Variants in CASKIN1 observed in about 807,000 individuals in gnomAD.
The protein encoded by CASKIN1 is CASK interacting protein 1, also known as caskin-1.
In CASKIN1, 42 loss-of-function variants were observed where a neutral mutation model predicts 117.5. That is an observed-to-expected ratio of 0.36 (90% CI 0.28 to 0.46). The LOEUF (loss-of-function observed/expected upper bound fraction) is 0.46, where lower values mean the gene tolerates loss of function less well. CASKIN1 is among the 20% of genes least tolerant of loss of function. The pLI is 1.00. For missense variants in CASKIN1, 2,083 were observed against 2,077.3 expected (o/e 1.00, Z -0.05); for synonymous variants, 1,148 against 961.7 (o/e 1.19, Z -3.59).
chr16:2,189,374 C>A (rs1380686099), intron 4 of CASKIN1, 41 bp from the exon 5 acceptor site: 2 of 1,610,194 alleles, frequency 1.2e-6, no homozygotes, highest in African/African-American at 2.7e-5. Context: ...CATCCTCAGG[C>A]CGCGCTGCCC....
chr16:2,192,448 C>G (rs1031254050), intron 1 of CASKIN1, among the ~76,000 whole-genome samples: 1 of 152,100 alleles, frequency 6.6e-6, no homozygotes, highest in African/African-American at 2.4e-5. Context: ...GGACAGTGGC[C>G]GTACGTGGGG....
At position 2,186,776 on chromosome 16, in the gene CASKIN1, T is replaced by G; in HGVS notation, c.979A>C (p.Asn327His). ...CCCACCCGGTCATTGCCCGTCCGGT[T>G]GTCATGGATGCAGCCCTTCCACCGG... The part of the protein sequence containing the change: ...DGRWKGCIHD[N>H]RTGNDRVGYF... Residue 327 changes from asparagine to histidine, a missense_variant, in exon 10 of 20, where the codon AAC (asparagine) becomes CAC (histidine). Around this residue, in one of 3 missense-constraint regions of CASKIN1, gnomAD observed 1,818 missense variants for 1,688.9 expected, o/e 1.08. Transcript: ENST00000343516. The G allele has an allele frequency of 6.2e-7, 1 of 1,613,016 alleles. No homozygotes were observed. The highest frequency in any genetic ancestry group is 8.5e-7 in the Non-Finnish European group (1 of 1,179,962).
In CASKIN1 at chr16:2,196,443, G is replaced by A; in HGVS notation, c.-11C>T. 2 of 1,241,430 alleles carry A rather than the reference G, an allele frequency of 1.6e-6. No homozygotes were observed. Among genetic ancestry groups the A allele is most frequent in the Non-Finnish European group, 2.0e-6 (2 of 978,138 alleles). The allele number at this position is 1,241,430 out of a possible 1,614,324, so 76.9% of individuals were successfully genotyped here. On this transcript the variant is annotated 5_prime_UTR_variant, in exon 1 of 20. Coordinates refer to ENST00000343516, the MANE Select transcript of CASKIN1 (RefSeq NM_020764.4). The surrounding 1 kb of genome is among the most constrained non-coding windows in gnomAD (Gnocchi z 5.7). ...CTGCTCCTTCCCCATGGCGCGGCCG[G>A]GGCCGCAGCGACGCGGCTGCGCTCG...
intron 6 of CASKIN1, 130 bp from the exon 7 acceptor site, chr16:2,187,591 C>G (rs1246080141): frequency 2.9e-6 from 2 of 691,850 alleles, no homozygotes; most frequent in African/African-American, 3.6e-5. Flanking sequence ...CAGCCCTGCC[C>G]CATGTCTCTG....
At chr16:2,178,678 G>T (rs1383021156) in intron 19 of CASKIN1, 32 bp from the exon 20 acceptor site, 4 of 1,559,228 alleles carry the variant, frequency 2.6e-6, no homozygotes, top group South Asian at 1.1e-5. Flanking sequence ...GCGTGAGTGG[G>T]CGGGGCGGGT....
In CASKIN1 at chr16:2,186,903, G is replaced by A. The variant is rs200142951; in HGVS notation, c.930+75C>T. 1.9e-5 allele frequency: 31 copies of A among 1,600,516 alleles called. No individual in the cohort carries two copies. The East Asian group carries it at 2.9e-4, about 15-fold the overall frequency. On this transcript the variant is annotated intron_variant, in intron 9 of 19. Transcript: ENST00000343516. ...CTGCCCAGTGCCCCCCAGTTGCGGC[G>A]GGAGGGTGTTCTGGGGTGCGCACGC...
chr16:2,183,778 G>T, intron 15 of CASKIN1, 31 bp from the exon 16 acceptor site: 1 of 1,612,386 alleles, frequency 6.2e-7, no homozygotes, highest in Non-Finnish European at 8.5e-7. Flanking sequence ...TCAGCTAGGG[G>T]CTGGGCCCAT....
chr16:2,191,584 T>C (rs1427152340), intron 1 of CASKIN1, among the ~76,000 whole-genome samples: 1 of 152,176 alleles, frequency 6.6e-6, no homozygotes, highest in Non-Finnish European at 1.5e-5. Context: ...ATTACTAATA[T>C]TAGCCGTACA....
chr16:2,194,358 A>T (rs1185015120), intron 1 of CASKIN1, among the ~76,000 whole-genome samples: 1 of 152,040 alleles, frequency 6.6e-6, no homozygotes, highest in Non-Finnish European at 1.5e-5. Flanking sequence ...GACAGCTGCT[A>T]AGTGTGTGCG....
intron 1 of CASKIN1, among the ~76,000 whole-genome samples, chr16:2,195,969 T>TGG (rs894119401): frequency 2.1e-4 from 29 of 137,110 alleles, no homozygotes; most frequent in African/African-American, 4.8e-4. Context: ...GTGCGTGTGG[T>TGG]GGGTGGGGGG....
chr16:2,181,196 G>A lies in CASKIN1; in HGVS notation c.2172C>T (p.Ser724=), dbSNP rs1054217954. The change falls in exon 18 of 20, where the codon AGC becomes AGT. Residue 724 remains serine (S), a synonymous_variant. Coordinates refer to ENST00000343516, the MANE Select transcript of CASKIN1 (RefSeq NM_020764.4). ...GGCCCTCATCCAGGAGGTACTCCTG[G>A]CTTCGAGACATGGGGCTGCTGGGCC... ...PPGPSSPMSR[S]QEYLLDEGPA... is the part of the protein sequence containing the mutation. The A allele has an allele frequency of 6.4e-7, 1 of 1,566,148 alleles. No individual in the cohort carries two copies. The highest frequency in any genetic ancestry group is 8.6e-7 in the Non-Finnish European group (1 of 1,166,746).
At position 2,178,086 on chromosome 16, in the gene CASKIN1, C is replaced by T; in HGVS notation, c.*464G>A. ...TACCTTTTTGTTTCTCTGGGGAAATCCGCCTCAGCTCATTCCCAATAAATT... is the reference window on the plus strand; with the variant it reads ...TACCTTTTTGTTTCTCTGGGGAAATTCGCCTCAGCTCATTCCCAATAAATT... On this transcript the variant is annotated 3_prime_UTR_variant, in exon 20 of 20. Transcript: ENST00000343516. 2.0e-6 allele frequency: 1 copy of T among 496,048 alleles called. No homozygotes were observed. Among genetic ancestry groups the T allele is most frequent in the Admixed American group, 2.5e-5 (1 of 40,128 alleles). The allele number at this position is 496,048 out of a possible 1,614,324, so 30.7% of individuals were successfully genotyped here. A position where few individuals can be genotyped will look rare whatever the true frequency, so the allele number is the denominator to read the frequency against.
chr16:2,181,666 CG>C, intron 17 of CASKIN1, 67 bp from the exon 18 acceptor site: 1 of 101,732 alleles, frequency 9.8e-6, no homozygotes, highest in Non-Finnish European at 1.8e-5. Context: ...GGGCTAGGGG[CG>C]GGGCTGGGCT....
chr16:2,184,225 G>T (rs1333079492), intron 14 of CASKIN1, among the ~76,000 whole-genome samples: 1 of 152,080 alleles, frequency 6.6e-6, no homozygotes, highest in Admixed American at 6.5e-5. Context: ...ACGCCTCCCT[G>T]ACTGTCCCCT....
In CASKIN1 at chr16:2,196,572, C is replaced by A. The variant is rs2093217313; in HGVS notation, c.-140G>T. On this transcript the variant is annotated 5_prime_UTR_variant, in exon 1 of 20. The change creates a new upstream start codon in the 5' untranslated region. Transcript: ENST00000343516. The surrounding 1 kb of genome is among the most constrained non-coding windows in gnomAD (Gnocchi z 5.7). ...CGCCGCCCGCCGCCCCTTCGCCCTCCTCGGGCTCCGGCTTGGGCTCGGGCT... is the reference window on the plus strand; with the variant it reads ...CGCCGCCCGCCGCCCCTTCGCCCTCATCGGGCTCCGGCTTGGGCTCGGGCT... 1 of 178,810 alleles carries A rather than the reference C, an allele frequency of 5.6e-6. No homozygotes were observed. The highest frequency in any genetic ancestry group is 1.7e-4 in the South Asian group (1 of 5,754). 11.1% of individuals were successfully genotyped at this position (178,810 alleles called of 1,614,324 possible).
rs2093150029 is a variant in CASKIN1, at chr16:2,178,253, G to A, written c.*297C>T. ...TGTGCTGGGCCCGGGCCTGTGCGCT[G>A]CCCCATCCCTGGTCCCGGGGCGCCC... On this transcript the variant is annotated 3_prime_UTR_variant, in exon 20 of 20. Transcript: ENST00000343516. 2 of 391,418 alleles carry A rather than the reference G, an allele frequency of 5.1e-6. No individual in the cohort carries two copies. The highest frequency in any genetic ancestry group is 2.6e-5 in the South Asian group (1 of 38,282). The allele number at this position is 391,418 out of a possible 1,614,324, so 24.2% of individuals were successfully genotyped here.
At chr16:2,181,678 G>GGGCTT (rs1374790900) in intron 17 of CASKIN1, 79 bp from the exon 18 acceptor site, 9 of 1,466,802 alleles carry the variant, frequency 6.1e-6, no homozygotes, top group South Asian at 5.1e-5. Context: ...GGGCTGGGCT[G>GGGCTT]GGCTTGGGGC....
At position 2,182,030 on chromosome 16, in the gene CASKIN1, C is replaced by T; in HGVS notation, c.1630-101G>A. 1 of 1,530,034 alleles carries T rather than the reference C, an allele frequency of 6.5e-7. No individual in the cohort carries two copies. The highest frequency in any genetic ancestry group is 8.9e-7 in the Non-Finnish European group (1 of 1,120,372). The allele number at this position is 1,530,034 out of a possible 1,614,324, so 94.8% of individuals were successfully genotyped here. ...GAAGGGTCACCGGGCCAGCAGGGCA[C>T]AGACAGACAGGAGGACAAACGGATA... On this transcript the variant is annotated intron_variant, in intron 16 of 19. Coordinates refer to ENST00000343516, the MANE Select transcript of CASKIN1 (RefSeq NM_020764.4). The surrounding 1 kb of genome is among the most constrained non-coding windows in gnomAD (Gnocchi z 4.1).
At chr16:2,188,826 A>C in intron 6 of CASKIN1, 1 of 674,818 alleles carries the variant, frequency 1.5e-6, no homozygotes, top group East Asian at 2.9e-5. Context: ...TGGGACAGAG[A>C]CGTCGCAGAA....
Sources: gnomAD v4.1 joint callset for allele counts (sites outside exome capture counted in the v4.1 genomes callset) on GRCh38, gnomAD v4.1.1 for gene constraint, gnomAD v4.1.1 regional missense constraint, Gnocchi (gnomAD v3.1) non-coding constraint, MANE v1.5 for transcripts, NCBI Gene and HGNC (gene_info 2026-07-23, HGNC 2026-07-21) for gene names.